EEIG2: variants seen among roughly 807,000 people sequenced by gnomAD.
EEIG2 encodes EEIG family member 2.
chr1:108,614,823 C>G, the EEIG2 span, among the ~76,000 whole-genome samples: 1 of 152,342 alleles, frequency 6.6e-6, no homozygotes, highest in African/African-American at 2.4e-5. Flanking sequence ...CTCTCATCTT[C>G]TTCAACTACT....
chr1:108,615,085 T>C, the EEIG2 span, among the ~76,000 whole-genome samples: 1 of 152,196 alleles, frequency 6.6e-6, no homozygotes, highest in Non-Finnish European at 1.5e-5. Flanking sequence ...CTATATAAGA[T>C]ACATGTCATC....
At chr1:108,628,251 C>G in the EEIG2 span, 1 of 1,614,124 alleles carries the variant, frequency 6.2e-7, no homozygotes, top group South Asian at 1.1e-5. Flanking sequence ...AGTCAGCAGT[C>G]AAAAGTATCA....
the EEIG2 span, chr1:108,600,467 A>G: frequency 7.4e-7 from 1 of 1,357,952 alleles, no homozygotes; most frequent in African/African-American, 1.4e-5. Context: ...CTTTTAACAC[A>G]TTACTTTTGC....
At chr1:108,587,306 A>C in the EEIG2 span, among the ~76,000 whole-genome samples, 1 of 152,174 alleles carries the variant, frequency 6.6e-6, no homozygotes, top group Non-Finnish European at 1.5e-5. Flanking sequence ...TGGAAGGTAC[A>C]GAAATGCCTC....
At chr1:108,603,613 A>T in the EEIG2 span, among the ~76,000 whole-genome samples, 1 of 152,216 alleles carries the variant, frequency 6.6e-6, no homozygotes, top group Non-Finnish European at 1.5e-5. Flanking sequence ...GTTATCAAGC[A>T]TACGAAGAGA....
chr1:108,604,597 A>G, the EEIG2 span, among the ~76,000 whole-genome samples: 7 of 152,200 alleles, frequency 4.6e-5, no homozygotes, highest in Non-Finnish European at 8.8e-5. Flanking sequence ...TTGTGGTGCC[A>G]TGGAAGTTTA....
chr1:108,573,622 A>G, the EEIG2 span, among the ~76,000 whole-genome samples: 13 of 152,354 alleles, frequency 8.5e-5, no homozygotes, highest in Middle Eastern at 3.4e-3. Flanking sequence ...TTTGCAAGTC[A>G]TATATTTCAT....
At chr1:108,576,315 C>T in the EEIG2 span, among the ~76,000 whole-genome samples, 1 of 151,752 alleles carries the variant, frequency 6.6e-6, no homozygotes, top group Non-Finnish European at 1.5e-5. Context: ...TTTTATTATA[C>T]TTTAAGTTTT....
the EEIG2 span, among the ~76,000 whole-genome samples, chr1:108,595,749 C>T: frequency 6.7e-6 from 1 of 149,986 alleles, no homozygotes; most frequent in Non-Finnish European, 1.5e-5. Flanking sequence ...ATAGCTTTTA[C>T]ATGCTGGAGG....
At chr1:108,610,598 A>G in the EEIG2 span, among the ~76,000 whole-genome samples, 3 of 152,142 alleles carry the variant, frequency 2.0e-5, no homozygotes, top group South Asian at 2.1e-4. Context: ...TCCTGGACAT[A>G]TCCAAGCTTT....
the EEIG2 span, chr1:108,606,097 C>A: frequency 8.0e-6 from 4 of 501,678 alleles, no homozygotes; most frequent in African/African-American, 2.0e-5. Flanking sequence ...GATTTAAGAT[C>A]GTCAGAATTT....
chr1:108,568,675 T>G, the EEIG2 span, among the ~76,000 whole-genome samples: 2 of 152,328 alleles, frequency 1.3e-5, no homozygotes, highest in African/African-American at 4.8e-5. Context: ...TCATATGAAG[T>G]CCAACCTAGT....
At chr1:108,572,429 C>T in the EEIG2 span, among the ~76,000 whole-genome samples, 1 of 151,906 alleles carries the variant, frequency 6.6e-6, no homozygotes, top group Admixed American at 6.6e-5. Context: ...TCATTATCAC[C>T]CAAAGTTCAC....
chr1:108,605,148 T>C, the EEIG2 span, among the ~76,000 whole-genome samples: 5 of 152,082 alleles, frequency 3.3e-5, no homozygotes, highest in Admixed American at 6.5e-5. Flanking sequence ...ATAGCAAATA[T>C]AGATAAATAT....
chr1:108,628,594 T>C, the EEIG2 span: 2 of 1,588,470 alleles, frequency 1.3e-6, no homozygotes, highest in African/African-American at 1.4e-5. Flanking sequence ...GGTATCCTTT[T>C]AGTTTAAAGA....
chr1:108,562,621 A>G, the EEIG2 span, among the ~76,000 whole-genome samples: 1 of 152,212 alleles, frequency 6.6e-6, no homozygotes, highest in Admixed American at 6.5e-5. Context: ...TAGAGTCCCA[A>G]AACTTCTGTA....
chr1:108,612,180 G>A, the EEIG2 span: 2 of 1,606,058 alleles, frequency 1.2e-6, no homozygotes, highest in Non-Finnish European at 1.7e-6. Context: ...TTTCATAGCT[G>A]GGCTTTGCAG....
At chr1:108,599,182 A>C in the EEIG2 span, among the ~76,000 whole-genome samples, 173 of 152,066 alleles carry the variant, frequency 1.1e-3, no homozygotes, top group Middle Eastern at 3.4e-3. Context: ...ACAACAACAA[A>C]AAAAAAACAA....
chr1:108,574,216 A>G, the EEIG2 span, among the ~76,000 whole-genome samples: 1 of 152,138 alleles, frequency 6.6e-6, no homozygotes, highest in East Asian at 1.9e-4. Flanking sequence ...ATGCTACAAC[A>G]TGGGTGAACA....
Sources: allele counts gnomAD v4.1 joint callset (sites outside exome capture counted in the v4.1 genomes callset), GRCh38; gene constraint gnomAD v4.1.1; transcripts MANE v1.5; gene names NCBI Gene and HGNC (gene_info 2026-07-23, HGNC 2026-07-21).